Variants in RNF213 observed in about 807,000 individuals in gnomAD.
The protein encoded by RNF213 is ring finger protein 213.
In RNF213, 341 loss-of-function variants were observed where a neutral mutation model predicts 514.4. The ratio of observed to expected loss-of-function variants is 0.66; its 90% CI spans 0.61 to 0.73. The LOEUF is 0.73. Among genes scored for constraint, RNF213 ranks in the 30% least tolerant of loss-of-function variants. The pLI, the probability that RNF213 is intolerant of heterozygous loss-of-function variation, is 0.00. For missense variants in RNF213, 5,767 were observed against 6,615.6 expected (o/e 0.87, Z 4.45); for synonymous variants, 2,655 against 2,658.2 (o/e 1.00, Z 0.04).
At chr17:80,307,097 T>C (rs371269722) in intron 12 of RNF213, 31 bp from the exon 13 acceptor site, 80 of 1,605,902 alleles carry the variant, frequency 5.0e-5, no homozygotes, top group Non-Finnish European at 2.5e-5. Context: ...TTCAATCTTT[T>C]GTCCTGTTTT....
In RNF213 at chr17:80,340,241, C is replaced by T; in HGVS notation, c.5874C>T (p.Ala1958=). 6.2e-7 allele frequency: 1 copy of T among 1,614,152 alleles called. No individual in the cohort carries two copies. The highest frequency in any genetic ancestry group is 1.1e-5 in the South Asian group (1 of 91,088). Residue 1958 remains alanine, a synonymous_variant, in exon 26 of 68, where the codon GCC becomes GCT. Coordinates refer to ENST00000582970, the MANE Select transcript of RNF213 (RefSeq NM_001256071.3). ...TCACCCCCCAGGCACCCCTCGAGGCCATCCAAGCCTACCTGGCAGGTCACT... is the reference window on the plus strand; with the variant it reads ...TCACCCCCCAGGCACCCCTCGAGGCTATCCAAGCCTACCTGGCAGGTCACT... The part of the protein sequence containing the change: ...VFVTPQAPLE[A]IQAYLAGHYR...
At position 80,289,605 on chromosome 17, in the gene RNF213, AAAAG is replaced by A. The variant is rs1359309618; in HGVS notation, c.934-50_934-47del. The A allele has an allele frequency of 2.5e-6, 4 of 1,581,164 alleles. No homozygotes were observed. The East Asian group carries it at 6.7e-5, about 27-fold the overall frequency. On this transcript the variant is annotated intron_variant, in intron 5 of 67. Coordinates refer to ENST00000582970, the MANE Select transcript of RNF213 (RefSeq NM_001256071.3). ...GACTCTGTCTCAGAAAAAAAAAAAA[AAAAG>A]AAAATGTGGAGGCCGGCCTTCAAGG...
intron 36 of RNF213, among the ~76,000 whole-genome samples, chr17:80,355,883 T>C (rs184293136): frequency 4.4e-4 from 67 of 151,826 alleles, no homozygotes; most frequent in Admixed American, 1.3e-3. Context: ...GACCAGAGAT[T>C]TTCTGATTCT....
intron 50 of RNF213, chr17:80,375,180 C>T (rs1201669902): frequency 4.0e-5 from 7 of 173,424 alleles, no homozygotes; most frequent in Admixed American, 1.1e-4. Context: ...ATGGTGATTC[C>T]GTTGCTTCTG....
chr17:80,327,979 C>A lies in RNF213; in HGVS notation c.3357C>A (p.Ile1119=). 4.6e-6 allele frequency: 7 copies of A among 1,537,270 alleles called. No individual in the cohort carries two copies. The highest frequency in any genetic ancestry group is 5.2e-6 in the Non-Finnish European group (6 of 1,146,908). ...IIKHKNQFLD[I]WQLREKSLSP... ...AGCACAAGAATCAGTTTCTTGACAT[C>A]TGGCAACTGAGTAAGCATCGAGTCG... The change falls in exon 19 of 68, where the codon ATC becomes ATA. Residue 1119 remains isoleucine (I), a synonymous_variant. Transcript: ENST00000582970.
intron 50 of RNF213, 91 bp from the exon 51 acceptor site, chr17:80,375,669 C>T (rs2079724035): frequency 4.4e-6 from 4 of 899,442 alleles, no homozygotes; most frequent in Admixed American, 3.6e-5. Flanking sequence ...TGCCACTGCA[C>T]TCCAGCCTGG....
At chr17:80,351,843 T>G (rs746581969) in intron 32 of RNF213, 40 bp downstream of exon 32, 15 of 1,071,188 alleles carry the variant, frequency 1.4e-5, no homozygotes, top group Middle Eastern at 2.4e-4. Context: ...ATTTATGTAT[T>G]TATTTATTTA....
chr17:80,295,439 TGTG>T (rs1226690068), intron 9 of RNF213, 115 bp from the exon 10 acceptor site: 18 of 1,281,948 alleles, frequency 1.4e-5, no homozygotes, highest in Admixed American at 3.8e-5. Flanking sequence ...CTCTCACAGG[TGTG>T]GTGGTGGGGC....
intron 43 of RNF213, 23 bp downstream of exon 43, chr17:80,367,871 G>A: frequency 6.2e-7 from 1 of 1,613,796 alleles, no homozygotes; most frequent in Non-Finnish European, 8.5e-7. Context: ...GTTTGGATCT[G>A]TGAAGGCGAG....
chr17:80,349,970 T>C (rs895946676), intron 30 of RNF213, 64 bp downstream of exon 30: 16 of 1,592,554 alleles, frequency 1.0e-5, no homozygotes, highest in Non-Finnish European at 1.4e-5. Context: ...GGCTTCTGCG[T>C]GGCGATGGTA....
chr17:80,318,790 G>A (rs1043800690), intron 16 of RNF213, among the ~76,000 whole-genome samples: 19 of 151,966 alleles, frequency 1.3e-4, no homozygotes, highest in Admixed American at 3.3e-4. Context: ...AGCCAGGATG[G>A]TCTCGATCTC....
At chr17:80,319,960 A>G in intron 17 of RNF213, 3 of 1,030,322 alleles carry the variant, frequency 2.9e-6, no homozygotes, top group Non-Finnish European at 3.5e-6. Flanking sequence ...AAGGGGTTCT[A>G]ATTTTTTAAG....
intron 30 of RNF213, 78 bp downstream of exon 30, chr17:80,349,984 G>A (rs1266253388): frequency 1.2e-5 from 19 of 1,528,310 alleles, no homozygotes; most frequent in Admixed American, 1.7e-5. Context: ...GATGGTACCC[G>A]CGCCGGTTAA....
chr17:80,364,590 C>T, intron 42 of RNF213, 37 bp downstream of exon 42: 1 of 1,613,534 alleles, frequency 6.2e-7, no homozygotes, highest in Non-Finnish European at 8.5e-7. Flanking sequence ...ATGCACGGAT[C>T]CACCCTTTTC....
chr17:80,358,178 T>C (rs889442467), intron 36 of RNF213, 110 bp from the exon 37 acceptor site: 8 of 846,350 alleles, frequency 9.5e-6, no homozygotes, highest in Middle Eastern at 6.8e-4. Context: ...TGGTAAATAG[T>C]AGACTAGTTG....
In RNF213 at chr17:80,371,855, A is replaced by G; in HGVS notation, c.12426-19A>G. On this transcript the variant is annotated intron_variant, in intron 46 of 67. Transcript: ENST00000582970. ...CTCCAGATCTGAGAGAACCAGGAAT[A>G]ATATTTCTCTTTCTGCAGCTTTCAT... 2 of 1,230,552 alleles carry G rather than the reference A, an allele frequency of 1.6e-6. No homozygotes were observed. Among genetic ancestry groups the G allele is most frequent in the Non-Finnish European group, 2.4e-6 (2 of 832,418 alleles). The allele number at this position is 1,230,552 out of a possible 1,614,324, so 76.2% of individuals were successfully genotyped here.
chr17:80,340,013 G>A lies in RNF213; in HGVS notation c.5646G>A (p.Leu1882=). Residue 1882 remains leucine, a synonymous_variant, in exon 26 of 68, where the codon CTG becomes CTA. Coordinates refer to ENST00000582970, the MANE Select transcript of RNF213 (RefSeq NM_001256071.3). ...EEVALLLRRC[L]TLGSLGHKVY... ...TGGCACTGTTGCTGCGCCGCTGCCT[G>A]ACCCTGGGCTCCCTGGGGCACAAGG... 1 of 1,541,440 alleles carries A rather than the reference G, an allele frequency of 6.5e-7. No homozygotes were observed. Among genetic ancestry groups the A allele is most frequent in the Non-Finnish European group, 8.7e-7 (1 of 1,148,272 alleles).
At chr17:80,390,709 T>C (rs558855957) in intron 67 of RNF213, among the ~76,000 whole-genome samples, 1 of 48,340 alleles carries the variant, frequency 2.1e-5, no homozygotes, top group South Asian at 3.9e-4. Flanking sequence ...AAAAGTCATA[T>C]ATTCTAATTT....
chr17:80,304,130 A>G (rs1161457269), intron 11 of RNF213, among the ~76,000 whole-genome samples: 1 of 151,982 alleles, frequency 6.6e-6, no homozygotes, highest in African/African-American at 2.4e-5. Flanking sequence ...CATTGTTCCT[A>G]AAGATCCAAT....
Sources: gnomAD v4.1 joint callset for allele counts (sites outside exome capture counted in the v4.1 genomes callset) on GRCh38, gnomAD v4.1.1 for gene constraint, MANE v1.5 for transcripts, NCBI Gene and HGNC (gene_info 2026-07-23, HGNC 2026-07-21) for gene names.